Variants in TENM3 observed in about 807,000 individuals in gnomAD.
TENM3 encodes the protein teneurin transmembrane protein 3, also known as teneurin-3.
A neutral mutation model predicts 255.1 loss-of-function variants in TENM3; 63 were observed. The ratio of observed to expected loss-of-function variants is 0.25; its 90% CI spans 0.20 to 0.30. The LOEUF is 0.30. Among genes scored for constraint, TENM3 ranks in the 10% least tolerant of loss-of-function variants. The pLI, the probability that TENM3 is intolerant of heterozygous loss-of-function variation, is 1.00. For synonymous variants in TENM3, 1,306 were observed against 1,322.3 expected (o/e 0.99, Z 0.27); for missense variants, 2,929 against 3,461.1 (o/e 0.85, Z 3.86).
At chr4:181,886,687 A>G in the TENM3 span, among the ~76,000 whole-genome samples, 1 of 152,172 alleles carries the variant, frequency 6.6e-6, no homozygotes, top group Non-Finnish European at 1.5e-5. Flanking sequence ...GTTTTTTTCT[A>G]ATTTCACAAG....
At chr4:182,592,686 G>C (rs1264078226) in intron 3 of TENM3, among the ~76,000 whole-genome samples, 2 of 151,760 alleles carry the variant, frequency 1.3e-5, no homozygotes, top group East Asian at 3.9e-4. Flanking sequence ...CTGCACTCCA[G>C]CCTGGGCCAC....
In TENM3 at chr4:182,800,111, C is replaced by T. The variant is rs545000047; in HGVS notation, c.7860C>T (p.Ile2620=). 7.7e-6 allele frequency: 12 copies of T among 1,551,394 alleles called. No homozygotes were observed. The highest frequency in any genetic ancestry group is 1.4e-5 in the African/African-American group (1 of 71,740). Residue 2620 remains isoleucine (I), a synonymous_variant, in exon 28 of 28, where the codon ATC becomes ATT. Transcript: ENST00000511685. The part of the protein sequence containing the change: ...GMTLDEEKAR[I]LEQARQRALA... ...CCCTGGACGAGGAGAAGGCGCGCAT[C>T]CTGGAGCAGGCGCGGCAGCGCGCGC...
At chr4:182,600,687 T>G (rs921785953) in intron 3 of TENM3, among the ~76,000 whole-genome samples, 1 of 152,084 alleles carries the variant, frequency 6.6e-6, no homozygotes, top group Non-Finnish European at 1.5e-5. Flanking sequence ...AAAGCAATTT[T>G]GCCATCTGTT....
chr4:182,327,011 G>A (rs1022559270), intron 2 of TENM3, among the ~76,000 whole-genome samples: 14 of 152,160 alleles, frequency 9.2e-5, no homozygotes, highest in South Asian at 4.1e-4. Context: ...TTTGATATGC[G>A]GAGTATTTGT....
chr4:182,201,008 C>T (rs897036158), intron 1 of TENM3, among the ~76,000 whole-genome samples: 1 of 151,102 alleles, frequency 6.6e-6, no homozygotes, highest in Non-Finnish European at 1.5e-5. Flanking sequence ...TATTTTTAGT[C>T]GAGATGGGGT....
intron 1 of TENM3, among the ~76,000 whole-genome samples, chr4:182,206,747 A>G (rs142507348): frequency 6.6e-6 from 1 of 152,238 alleles, no homozygotes; most frequent in East Asian, 1.9e-4. Context: ...CAATAACTCA[A>G]TTTCAGATTA....
At chr4:181,643,227 C>G in the TENM3 span, among the ~76,000 whole-genome samples, 4 of 152,178 alleles carry the variant, frequency 2.6e-5, no homozygotes, top group Non-Finnish European at 5.9e-5. Flanking sequence ...AGGTCCTTCA[C>G]GTTCCTTGTA....
intron 5 of TENM3, among the ~76,000 whole-genome samples, chr4:182,630,143 T>TACCTTTCTGTC (rs1751225859): frequency 6.6e-6 from 1 of 152,154 alleles, no homozygotes. Flanking sequence ...ACCTTTCTGT[T>TACCTTTCTGTC]ACCTTTCTGT....
At chr4:182,573,197 G>A (rs1247196790) in intron 3 of TENM3, among the ~76,000 whole-genome samples, 1 of 152,126 alleles carries the variant, frequency 6.6e-6, no homozygotes, top group African/African-American at 2.4e-5. Context: ...CTTAGGTTTT[G>A]TATCTCAGCA....
intron 3 of TENM3, among the ~76,000 whole-genome samples, chr4:182,510,598 TACAATCAA>T (rs1213500562): frequency 6.6e-6 from 1 of 152,194 alleles, no homozygotes; most frequent in Non-Finnish European, 1.5e-5. Flanking sequence ...ATGTGAATCT[TACAATCAA>T]TGACATTTCC....
chr4:182,606,164 T>G (rs6846424), intron 4 of TENM3, among the ~76,000 whole-genome samples: 1 of 151,992 alleles, frequency 6.6e-6, no homozygotes, highest in Non-Finnish European at 1.5e-5. Context: ...AAAATAATAC[T>G]TAAAATATTT....
chr4:182,541,227 A>G (rs896511713), intron 3 of TENM3, among the ~76,000 whole-genome samples: 14 of 152,220 alleles, frequency 9.2e-5, no homozygotes, highest in African/African-American at 2.9e-4. Flanking sequence ...AACATCTAAC[A>G]TGACTTAACA....
chr4:181,590,678 A>G, the TENM3 span, among the ~76,000 whole-genome samples: 1 of 152,228 alleles, frequency 6.6e-6, no homozygotes, highest in Non-Finnish European at 1.5e-5. Flanking sequence ...TTCCCAACAG[A>G]TGAGAACATA....
chr4:181,776,745 C>T, the TENM3 span, among the ~76,000 whole-genome samples: 1 of 151,820 alleles, frequency 6.6e-6, no homozygotes. Context: ...TATTCAAGTC[C>T]CTTGCCCACT....
chr4:182,155,831 A>G (rs1462696739), intron 1 of TENM3, among the ~76,000 whole-genome samples: 1 of 152,124 alleles, frequency 6.6e-6, no homozygotes, highest in Non-Finnish European at 1.5e-5. Context: ...ATTATTTCAG[A>G]TTCTTGGAAT....
chr4:181,927,207 G>T, the TENM3 span, among the ~76,000 whole-genome samples: 11 of 152,176 alleles, frequency 7.2e-5, no homozygotes, highest in African/African-American at 2.7e-4. Flanking sequence ...GGAGCCAAGT[G>T]GTCTACCATC....
chr4:181,587,139 C>T, the TENM3 span, among the ~76,000 whole-genome samples: 1 of 152,274 alleles, frequency 6.6e-6, no homozygotes, highest in Non-Finnish European at 1.5e-5. Flanking sequence ...ATGTATTTAA[C>T]ATTAAATTCT....
At position 182,755,134 on chromosome 4, in the gene TENM3, A is replaced by G. The variant is rs1208477889; in HGVS notation, c.4767A>G (p.Ile1589Met). 1.2e-6 allele frequency: 2 copies of G among 1,613,928 alleles called. No individual in the cohort carries two copies. Among genetic ancestry groups the G allele is most frequent in the East Asian group, 2.2e-5 (1 of 44,898 alleles). The change falls in exon 22 of 28, where the codon ATA (isoleucine) becomes ATG (methionine). Residue 1589 changes from isoleucine (I) to methionine (M), a missense_variant. Physicochemically the swap from Ile to Met is conservative, Grantham distance 10. This residue lies in a region of TENM3 where 1,608 missense variants were observed against 1,884.4 expected (regional missense o/e 0.85). Transcript: ENST00000511685. ...ATAACCAAGTGATATGGTTGACAATAGGAACAAATGGATGTTTGAAAAGCA... is the reference window on the plus strand; with the variant it reads ...ATAACCAAGTGATATGGTTGACAATGGGAACAAATGGATGTTTGAAAAGCA... The part of the protein sequence containing the change: ...SPDNQVIWLT[I>M]GTNGCLKSMT...
At chr4:182,783,438 T>C (rs972937964) in intron 24 of TENM3, among the ~76,000 whole-genome samples, 5 of 152,238 alleles carry the variant, frequency 3.3e-5, no homozygotes, top group African/African-American at 1.2e-4. Context: ...ATTAGTCTGA[T>C]GGGCTTCCCT....
Sources: gnomAD v4.1 joint callset for allele counts (sites outside exome capture counted in the v4.1 genomes callset) on GRCh38, gnomAD v4.1.1 for gene constraint, gnomAD v4.1.1 regional missense constraint, MANE v1.5 for transcripts, NCBI Gene and HGNC (gene_info 2026-07-23, HGNC 2026-07-21) for gene names.